The following GSAP variants were observed in gnomAD, a reference collection of about 807,000 sequenced individuals.
GSAP encodes the protein gamma-secretase-activating protein.
Under a neutral mutation model 131.7 loss-of-function variants are expected in GSAP, and 118 were observed. The observed-to-expected ratio is 0.90, with a 90% CI of 0.77 to 1.04. GSAP has a LOEUF of 1.04. Among genes scored for constraint, GSAP ranks in the 50% least tolerant of loss-of-function variants. GSAP has a pLI of 0.00. For missense variants in GSAP, 1,019 were observed against 1,013.2 expected (o/e 1.01, Z -0.08); for synonymous variants, 381 against 363.4 (o/e 1.05, Z -0.55).
At chr7:77,352,906 G>T in intron 18 of GSAP, 38 bp downstream of exon 18, 1 of 1,184,728 alleles carries the variant, frequency 8.4e-7, no homozygotes, top group South Asian at 1.2e-5. Flanking sequence ...ACTGTGAATT[G>T]ATTTTATTTG....
chr7:77,319,394 T>G (rs1787314968), intron 26 of GSAP, among the ~76,000 whole-genome samples: 1 of 152,084 alleles, frequency 6.6e-6, no homozygotes, highest in Non-Finnish European at 1.5e-5. Flanking sequence ...AAACCACAAT[T>G]TAAGTGTTAT....
intron 19 of GSAP, among the ~76,000 whole-genome samples, chr7:77,331,166 T>C (rs1465234987): frequency 6.6e-6 from 1 of 152,072 alleles, no homozygotes; most frequent in Non-Finnish European, 1.5e-5. Flanking sequence ...CCAGGTGCAG[T>C]GGCGGGCGCT....
chr7:77,370,930 C>T (rs1796024668), intron 12 of GSAP, among the ~76,000 whole-genome samples: 1 of 152,154 alleles, frequency 6.6e-6, no homozygotes, highest in Admixed American at 6.5e-5. Context: ...TTTTCCCTTT[C>T]TCTCTCTCCA....
chr7:77,382,229 T>C (rs944046053), intron 7 of GSAP, among the ~76,000 whole-genome samples: 1 of 152,060 alleles, frequency 6.6e-6, no homozygotes, highest in African/African-American at 2.4e-5. Flanking sequence ...CTCCATATTA[T>C]AGTTATCCAC....
chr7:77,328,961 C>G (rs766563262), intron 21 of GSAP, among the ~76,000 whole-genome samples: 1 of 151,890 alleles, frequency 6.6e-6, no homozygotes, highest in Non-Finnish European at 1.5e-5. Flanking sequence ...ACTCATATAT[C>G]CAGAAAATAG....
At chr7:77,410,375 C>T (rs972994153) in intron 1 of GSAP, among the ~76,000 whole-genome samples, 5 of 152,150 alleles carry the variant, frequency 3.3e-5, no homozygotes, top group African/African-American at 1.2e-4. Flanking sequence ...TCTTAACACA[C>T]CCTTTTAAAA....
intron 19 of GSAP, among the ~76,000 whole-genome samples, chr7:77,335,956 A>C (rs1226359047): frequency 1.3e-5 from 2 of 152,246 alleles, no homozygotes; most frequent in African/African-American, 4.8e-5. Flanking sequence ...GTTTGTGTGT[A>C]CATAAAGCTA....
intron 12 of GSAP, among the ~76,000 whole-genome samples, chr7:77,373,265 T>C (rs1467175610): frequency 6.6e-6 from 1 of 152,222 alleles, no homozygotes; most frequent in Admixed American, 6.5e-5. Context: ...ACCTTTACGC[T>C]AATAAAGATT....
chr7:77,329,313 TA>T lies in GSAP; in HGVS notation c.1733+19del. The T allele has an allele frequency of 7.2e-7, 1 of 1,388,692 alleles. No individual in the cohort carries two copies. The highest frequency in any genetic ancestry group is 9.9e-7 in the Non-Finnish European group (1 of 1,007,732). The allele number at this position is 1,388,692 out of a possible 1,614,324, so 86.0% of individuals were successfully genotyped here. ...AATGTCAACCATCTTACAGATATGA[TA>T]ACCTCTGCTTTCACTTACTTTACTG... On this transcript the variant is annotated intron_variant, in intron 21 of 30. Transcript: ENST00000257626.
intron 12 of GSAP, among the ~76,000 whole-genome samples, chr7:77,372,751 C>A (rs1033087223): frequency 6.6e-6 from 1 of 152,150 alleles, no homozygotes; most frequent in African/African-American, 2.4e-5. Context: ...CAAAAAATAC[C>A]CTTCAATGAC....
intron 6 of GSAP, 152 bp from the exon 7 acceptor site, chr7:77,382,795 C>T: frequency 1.9e-6 from 1 of 535,472 alleles, no homozygotes. Flanking sequence ...ACACACATTG[C>T]AGGTCAAAGC....
intron 5 of GSAP, 108 bp downstream of exon 5, chr7:77,396,874 C>A: frequency 1.7e-6 from 1 of 596,788 alleles, no homozygotes; most frequent in Non-Finnish European, 2.8e-6. Flanking sequence ...TTCTGAGATA[C>A]GATAAGGCTA....
At chr7:77,346,724 A>G (rs1161530293) in intron 19 of GSAP, among the ~76,000 whole-genome samples, 5 of 152,008 alleles carry the variant, frequency 3.3e-5, no homozygotes, top group Non-Finnish European at 5.9e-5. Flanking sequence ...AAAGAAAAAA[A>G]AAAAAGTATG....
chr7:77,337,304 G>C (rs1193607132), intron 19 of GSAP, among the ~76,000 whole-genome samples: 4 of 146,992 alleles, frequency 2.7e-5, no homozygotes, highest in Admixed American at 6.8e-5. Context: ...GGTGGGGTGG[G>C]GGGGGGGTTA....
chr7:77,339,574 T>C (rs1411790255), intron 19 of GSAP, among the ~76,000 whole-genome samples: 1 of 152,106 alleles, frequency 6.6e-6, no homozygotes, highest in East Asian at 1.9e-4. Flanking sequence ...CCCCCAAGCA[T>C]GTGTGGAAAT....
intron 6 of GSAP, among the ~76,000 whole-genome samples, chr7:77,384,310 C>A (rs1310096732): frequency 6.6e-6 from 1 of 152,190 alleles, no homozygotes; most frequent in Non-Finnish European, 1.5e-5. Context: ...TCTGCCTGGT[C>A]TTCCTGTGAC....
chr7:77,405,572 C>G (rs1286995178), intron 2 of GSAP, among the ~76,000 whole-genome samples: 1 of 152,112 alleles, frequency 6.6e-6, no homozygotes, highest in Non-Finnish European at 1.5e-5. Flanking sequence ...GGGTTTCGCT[C>G]TGTCACCCAG....
chr7:77,387,607 A>G (rs1798769879), intron 5 of GSAP, among the ~76,000 whole-genome samples, 159 bp from the exon 6 acceptor site: 1 of 152,198 alleles, frequency 6.6e-6, no homozygotes, highest in Non-Finnish European at 1.5e-5. Flanking sequence ...GAGGAGACTG[A>G]AACTGTAAAT....
At chr7:77,320,405 T>C (rs763062985) in intron 26 of GSAP, among the ~76,000 whole-genome samples, 23 of 152,134 alleles carry the variant, frequency 1.5e-4, no homozygotes, top group Non-Finnish European at 2.8e-4. Flanking sequence ...TCTTCAGACA[T>C]CTCAATCAGA....
Sources: gnomAD v4.1 joint callset for allele counts (sites outside exome capture counted in the v4.1 genomes callset) on GRCh38, gnomAD v4.1.1 for gene constraint, MANE v1.5 for transcripts, NCBI Gene and HGNC (gene_info 2026-07-23, HGNC 2026-07-21) for gene names.